Variants in WSCD1 observed in about 807,000 individuals in gnomAD.
WSCD1 encodes the protein WSC domain sialate O sulfotransferase 1, also known as sialate:O-sulfotransferase 1.
A neutral mutation model predicts 60.4 loss-of-function variants in WSCD1; 41 were observed. The observed-to-expected ratio is 0.68, with a 90% CI of 0.53 to 0.88. The LOEUF (loss-of-function observed/expected upper bound fraction) is 0.88, where lower values mean the gene tolerates loss of function less well. Ranked by LOEUF, WSCD1 falls within the 40% of genes least tolerant of loss-of-function variation. The probability of loss-of-function intolerance (pLI) is 0.00; values close to 1 mark genes in which losing one functional copy is unlikely to be tolerated. For synonymous variants in WSCD1, 361 were observed against 332.5 expected, an observed-to-expected ratio of 1.09 and a Z score of -0.93; for missense variants, 784 against 796.2, an observed-to-expected ratio of 0.98 and a Z score of 0.18.
Position 6,101,917 on chromosome 17 carries a change from G to T in WSCD1, c.849+6694G>T, listed in dbSNP as rs1407152242. Among the ~76,000 whole-genome samples, 1 of 152,192 alleles carries T rather than the reference G, an allele frequency of 6.6e-6. No homozygotes were observed. The highest frequency in any genetic ancestry group is 1.5e-5 in the Non-Finnish European group (1 of 68,036). On this transcript the variant is annotated intron_variant, in intron 5 of 8. Coordinates refer to ENST00000317744, the MANE Select transcript of WSCD1 (RefSeq NM_015253.2). The surrounding 1 kb of genome is among the most constrained non-coding windows in gnomAD (Gnocchi z 4.1). ...GTGCTCCGAAAGGAGGCTGATGAGCGAAATCTAACACCATCTGCAAATAGG... is the reference window on the plus strand; with the variant it reads ...GTGCTCCGAAAGGAGGCTGATGAGCTAAATCTAACACCATCTGCAAATAGG...
At position 6,109,621 on chromosome 17, in the gene WSCD1, C is replaced by T. The variant is rs190762835; in HGVS notation, c.864C>T (p.Ala288=). Residue 288 remains alanine (A), a synonymous_variant, in exon 6 of 9, where the codon GCC becomes GCT. Coordinates refer to ENST00000317744, the MANE Select transcript of WSCD1 (RefSeq NM_015253.2). ...TTCCCTGGCAGGAGTTCCCCTTGGCCATTCTCAGGGGCTGGGAATGCTACT... is the reference window on the plus strand; with the variant it reads ...TTCCCTGGCAGGAGTTCCCCTTGGCTATTCTCAGGGGCTGGGAATGCTACT... ...GFCSQKEFPL[A]ILRGWECYCA... 20 of 1,613,894 alleles carry T rather than the reference C, an allele frequency of 1.2e-5. No homozygotes were observed. The Admixed American group carries it at 2.0e-4, about 16-fold the overall frequency.
In WSCD1 at chr17:6,093,376, C is replaced by T. The variant is rs888436634; in HGVS notation, c.728-1726C>T. ...GGATCAGGGCTTGGTGTGGGGAACA[C>T]AGGGGTCACCCAGGATGTAGCTTCC... On this transcript the variant is annotated intron_variant, in intron 4 of 8. Coordinates refer to ENST00000317744, the MANE Select transcript of WSCD1 (RefSeq NM_015253.2). Among the ~76,000 whole-genome samples, 3 of 152,198 alleles carry T rather than the reference C, an allele frequency of 2.0e-5. No individual in the cohort carries two copies. The South Asian group carries it at 6.2e-4, about 32-fold the overall frequency.
rs555804030 is a variant in WSCD1 at position 6,087,181 on chromosome 17, T to C, written c.428-809T>C. The stretch of plus-strand genomic sequence containing the variant: ...ATTTACATGCCTACCCGCGTTTGCA[T>C]CAGGACTGCCATCTCCCAACTTCTC... On this transcript the variant is annotated intron_variant, in intron 2 of 8. Coordinates refer to ENST00000317744, the MANE Select transcript of WSCD1 (RefSeq NM_015253.2). Among the ~76,000 whole-genome samples, 6 of 152,330 alleles carry C rather than the reference T, an allele frequency of 3.9e-5. No homozygotes were observed. In the South Asian group the frequency reaches 1.0e-3, roughly 26 times the overall value.
chr17:6,119,751 A>G (rs2150573404), intron 8 of WSCD1, among the ~76,000 whole-genome samples: 1 of 152,144 alleles, frequency 6.6e-6, no homozygotes, highest in East Asian at 1.9e-4. Context: ...TCCTAGGGTC[A>G]TTGTGAAGAT....
chr17:6,109,280 C>T (rs1597368440), intron 5 of WSCD1, among the ~76,000 whole-genome samples: 1 of 152,170 alleles, frequency 6.6e-6, no homozygotes, highest in Admixed American at 6.5e-5. Flanking sequence ...AACATGATTC[C>T]AGCCTCTGCC....
chr17:6,089,579 C>T (rs1429460388), intron 3 of WSCD1, among the ~76,000 whole-genome samples: 1 of 152,174 alleles, frequency 6.6e-6, no homozygotes, highest in African/African-American at 2.4e-5. Flanking sequence ...TTCAGACCAG[C>T]TCACGGCCGC....
chr17:6,099,521 A>C (rs201278166), intron 5 of WSCD1, among the ~76,000 whole-genome samples: 2 of 111,308 alleles, frequency 1.8e-5, no homozygotes, highest in South Asian at 2.6e-4. Context: ...TCTCAAAAAC[A>C]AAAAAAAAAA....
rs1013345921 is a variant in WSCD1, at chr17:6,101,736, C to T, written c.849+6513C>T. On this transcript the variant is annotated intron_variant, in intron 5 of 8. Coordinates refer to ENST00000317744, the MANE Select transcript of WSCD1 (RefSeq NM_015253.2). This position sits in a 1 kb window ranked among gnomAD's most constrained non-coding sequence, Gnocchi z 4.1. Reference sequence around the variant, plus strand: ...AGATGGAAAGAGACCTGCTCATTCTCAGTCCCCTTCAGGATCCTATCGGCT... The same window carrying T: ...AGATGGAAAGAGACCTGCTCATTCTTAGTCCCCTTCAGGATCCTATCGGCT... 6.6e-6 allele frequency among the ~76,000 whole-genome samples: 1 copy of T among 152,200 alleles called. No homozygotes were observed. Among genetic ancestry groups the T allele is most frequent in the Admixed American group, 6.5e-5 (1 of 15,278 alleles).
intron 2 of WSCD1, among the ~76,000 whole-genome samples, chr17:6,084,293 C>A (rs1307571852): frequency 6.6e-6 from 1 of 152,256 alleles, no homozygotes; most frequent in African/African-American, 2.4e-5. Flanking sequence ...GGAGGCTGTG[C>A]TCTCATGGTC....
At chr17:6,073,545 G>A (rs1004921319) in intron 1 of WSCD1, among the ~76,000 whole-genome samples, 4 of 152,196 alleles carry the variant, frequency 2.6e-5, no homozygotes, top group Non-Finnish European at 4.4e-5. Flanking sequence ...CAGGAAAATC[G>A]CTTGAACCCA....
intron 5 of WSCD1, among the ~76,000 whole-genome samples, chr17:6,105,064 G>A (rs536617032): frequency 6.6e-6 from 1 of 152,318 alleles, no homozygotes; most frequent in Non-Finnish European, 1.5e-5. Context: ...CTGGAGGAAT[G>A]TTCACTCCTT....
At chr17:6,094,990 C>T (rs1910325577) in intron 4 of WSCD1, 112 bp from the exon 5 acceptor site, 4 of 1,481,260 alleles carry the variant, frequency 2.7e-6, no homozygotes, top group East Asian at 2.3e-5. Flanking sequence ...TTGAACTCGC[C>T]TCGTAAGTTT....
chr17:6,113,354 C>A (rs545413844), intron 7 of WSCD1, among the ~76,000 whole-genome samples: 67 of 152,250 alleles, frequency 4.4e-4, no homozygotes, highest in African/African-American at 1.6e-3. Context: ...AACTCAAAAT[C>A]AAGACTTAAA....
Position 6,114,124 on chromosome 17 carries a change from G to A in WSCD1, c.1174+3189G>A, listed in dbSNP as rs78078712. On this transcript the variant is annotated intron_variant, in intron 7 of 8. Coordinates refer to ENST00000317744, the MANE Select transcript of WSCD1 (RefSeq NM_015253.2). ...ATCAATAGGTGAATTTTTAAAATGT[G>A]GTACATATACACAATGGCTAGTTAG... is the stretch of plus-strand genomic sequence containing the variant. 6.4e-3 allele frequency among the ~76,000 whole-genome samples: 923 copies of A among 144,912 alleles called. 4 individuals are homozygous for A. The highest frequency in any genetic ancestry group is 0.011 in the Non-Finnish European group (758 of 66,776).
chr17:6,096,789 C>T (rs1910466381), intron 5 of WSCD1, among the ~76,000 whole-genome samples: 1 of 152,164 alleles, frequency 6.6e-6, no homozygotes. Context: ...TTCCCTCACA[C>T]CTGCAGCTCA....
chr17:6,078,571 TGTGTGTGTGC>T (rs1264625519), intron 1 of WSCD1, among the ~76,000 whole-genome samples: 1 of 151,868 alleles, frequency 6.6e-6, no homozygotes, highest in African/African-American at 2.4e-5. Flanking sequence ...GGTGTGTGTG[TGTGTGTGTGC>T]GTGTGTGTGC....
Position 6,090,310 on chromosome 17 carries a change from C to T in WSCD1, c.543-11C>T, listed in dbSNP as rs993724474. 4 of 1,569,540 alleles carry T rather than the reference C, an allele frequency of 2.5e-6. No homozygotes were observed. Among genetic ancestry groups the T allele is most frequent in the Non-Finnish European group, 3.4e-6 (4 of 1,160,772 alleles). On this transcript the variant is annotated splice_polypyrimidine_tract_variant and intron_variant, in intron 3 of 8. Coordinates refer to ENST00000317744, the MANE Select transcript of WSCD1 (RefSeq NM_015253.2). Reference sequence around the variant, plus strand: ...CCAAGGTCCGGACTCACCCAGGCCTCCTCCCTGCAGGTCCTATGTCTACGC... The same window carrying T: ...CCAAGGTCCGGACTCACCCAGGCCTTCTCCCTGCAGGTCCTATGTCTACGC...
chr17:6,108,048 G>A (rs1911196489), intron 5 of WSCD1, among the ~76,000 whole-genome samples: 1 of 152,122 alleles, frequency 6.6e-6, no homozygotes, highest in Non-Finnish European at 1.5e-5. Context: ...ACCTAGGAGA[G>A]CATGCGGCCT....
At position 6,106,455 on chromosome 17, in the gene WSCD1, C is replaced by T. The variant is rs376726550; in HGVS notation, c.850-3152C>T. Among the ~76,000 whole-genome samples the T allele has an allele frequency of 2.1e-3, 326 of 152,312 alleles. 1 individual carries two copies. The highest frequency in any genetic ancestry group is 7.2e-3 in the African/African-American group (301 of 41,562). ...AATGATCCACAGACACAGATAACAA[C>T]ATGAATGGATTTGACAAATGTTTTT... On this transcript the variant is annotated intron_variant, in intron 5 of 8. Transcript: ENST00000317744.
Sources: allele counts gnomAD v4.1 joint callset (sites outside exome capture counted in the v4.1 genomes callset), GRCh38; gene constraint gnomAD v4.1.1; non-coding constraint Gnocchi (gnomAD v3.1); transcripts MANE v1.5; gene names NCBI Gene and HGNC (gene_info 2026-07-23, HGNC 2026-07-21).